FOCAD: variants seen among roughly 807,000 people sequenced by gnomAD.
FOCAD encodes focadhesin, also known as KIAA1797.
A neutral mutation model predicts 225.6 loss-of-function variants in FOCAD; 198 were observed. That is an observed-to-expected ratio of 0.88 (90% CI 0.78 to 0.99). FOCAD has a LOEUF of 0.99. FOCAD is among the 50% of genes least tolerant of loss of function. FOCAD has a pLI of 0.00. For synonymous variants in FOCAD, 897 were observed against 755.0 expected (o/e 1.19, Z -3.08); for missense variants, 2,713 against 2,123.6 (o/e 1.28, Z -5.46).
At chr9:20,955,256 A>C (rs1378758658) in intron 35 of FOCAD, among the ~76,000 whole-genome samples, 1 of 152,190 alleles carries the variant, frequency 6.6e-6, no homozygotes, top group Admixed American at 6.5e-5. Context: ...GGCCATCCCC[A>C]ATCCACATTT....
chr9:20,868,087 A>G (rs1829444169), intron 18 of FOCAD, among the ~76,000 whole-genome samples: 1 of 152,154 alleles, frequency 6.6e-6, no homozygotes, highest in African/African-American at 2.4e-5. Flanking sequence ...TTAGGTAAAG[A>G]TGTGTTATGA....
intron 15 of FOCAD, among the ~76,000 whole-genome samples, chr9:20,825,638 G>C (rs1052463320): frequency 2.6e-5 from 4 of 152,032 alleles, no homozygotes; most frequent in African/African-American, 7.2e-5. Flanking sequence ...GGATTTTGTA[G>C]GGCTTTCCCA....
intron 35 of FOCAD, among the ~76,000 whole-genome samples, chr9:20,956,577 T>C (rs571859338): frequency 6.6e-6 from 1 of 152,202 alleles, no homozygotes; most frequent in Non-Finnish European, 1.5e-5. Context: ...TGACTTTACA[T>C]GCAAATGGAC....
At chr9:20,888,139 CT>C (rs1377523100) in intron 21 of FOCAD, among the ~76,000 whole-genome samples, 398 of 45,602 alleles carry the variant, frequency 8.7e-3, no homozygotes, top group African/African-American at 0.028. Flanking sequence ...TTTTTTTCTT[CT>C]TTTTTTTTTT....
intron 10 of FOCAD, among the ~76,000 whole-genome samples, chr9:20,782,536 G>A (rs945252133): frequency 6.6e-6 from 1 of 152,130 alleles, no homozygotes; most frequent in Non-Finnish European, 1.5e-5. Context: ...TTACAATAAC[G>A]TGAAAGTGTT....
chr9:20,923,049 C>T lies in FOCAD; in HGVS notation c.2853-611C>T, dbSNP rs191620944. Among the ~76,000 whole-genome samples the T allele has an allele frequency of 2.0e-5, 3 of 152,074 alleles. No homozygotes were observed. The East Asian group carries it at 5.8e-4, about 29-fold the overall frequency. On this transcript the variant is annotated intron_variant, in intron 24 of 43. Transcript: ENST00000338382. ...TCAGTCCAAATAGTCTAAAAACAGC[C>T]CTTTTTCATTTGCATCTTATCTGGG...
chr9:20,758,933 C>A (rs566661838), intron 6 of FOCAD, among the ~76,000 whole-genome samples: 39 of 152,196 alleles, frequency 2.6e-4, no homozygotes, highest in African/African-American at 7.0e-4. Context: ...AGGATACAAA[C>A]TCAATGTACA....
intron 22 of FOCAD, among the ~76,000 whole-genome samples, chr9:20,912,381 A>G (rs1833508092): frequency 6.6e-6 from 1 of 152,118 alleles, no homozygotes; most frequent in African/African-American, 2.4e-5. Context: ...CTCAAGAAAT[A>G]GAAGTGTAAT....
intron 1 of FOCAD, among the ~76,000 whole-genome samples, chr9:20,711,287 TG>T (rs1337784159): frequency 6.6e-6 from 1 of 152,186 alleles, no homozygotes; most frequent in Non-Finnish European, 1.5e-5. Flanking sequence ...GGGACCATTT[TG>T]GAAACTGTTT....
rs987753541 is a variant in FOCAD at position 20,929,203 on chromosome 9, G to A, written c.3079-155G>A. The A allele has an allele frequency of 5.1e-6, 3 of 591,556 alleles. No homozygotes were observed. The African/African-American group carries it at 5.6e-5, about 11-fold the overall frequency. The allele number at this position is 591,556 out of a possible 1,614,324, so 36.6% of individuals were successfully genotyped here. ...ATTAATAATGAAAACATAATCTATA[G>A]ACAAAAACGTTTGGATTTTTAAAAA... is the stretch of plus-strand genomic sequence containing the variant. On this transcript the variant is annotated intron_variant, in intron 26 of 43. Transcript: ENST00000338382.
At chr9:20,820,117 A>C (rs536457571) in intron 12 of FOCAD, among the ~76,000 whole-genome samples, 2 of 152,042 alleles carry the variant, frequency 1.3e-5, no homozygotes, top group Admixed American at 6.6e-5. Flanking sequence ...CACTTTGGCT[A>C]TTCTCTGAGA....
intron 18 of FOCAD, among the ~76,000 whole-genome samples, chr9:20,870,935 G>C (rs1829707295): frequency 6.6e-6 from 1 of 152,146 alleles, no homozygotes. Context: ...GAGTGTGGTG[G>C]CTTACACCTG....
At chr9:20,768,080 G>A (rs1274501088) in intron 7 of FOCAD, among the ~76,000 whole-genome samples, 6 of 149,754 alleles carry the variant, frequency 4.0e-5, no homozygotes, top group Non-Finnish European at 8.9e-5. Context: ...TATTAAATAG[G>A]GAATCCTTTC....
At chr9:20,985,087 C>T (rs995433299) in intron 39 of FOCAD, among the ~76,000 whole-genome samples, 2 of 152,202 alleles carry the variant, frequency 1.3e-5, no homozygotes, top group African/African-American at 4.8e-5. Context: ...CAGGCCTGAG[C>T]CACCATGCCC....
intron 2 of FOCAD, among the ~76,000 whole-genome samples, chr9:20,716,713 A>C (rs762969874): frequency 6.6e-6 from 1 of 151,838 alleles, no homozygotes; most frequent in Non-Finnish European, 1.5e-5. Flanking sequence ...TCTTTGATTC[A>C]CACACGTTTT....
chr9:20,978,773 A>G (rs1840431836), intron 37 of FOCAD, among the ~76,000 whole-genome samples: 1 of 152,262 alleles, frequency 6.6e-6, no homozygotes. Flanking sequence ...ATTTGATTAT[A>G]TAGTATATGT....
At chr9:20,972,567 T>C (rs10964772) in intron 35 of FOCAD, among the ~76,000 whole-genome samples, 57,309 of 151,700 alleles carry the variant, frequency 0.38, 11,073 homozygotes, top group East Asian at 0.47. Flanking sequence ...TTTTTCAGTT[T>C]CTAGTTGTTC....
intron 2 of FOCAD, among the ~76,000 whole-genome samples, chr9:20,662,721 A>G (rs528461674): frequency 1.2e-3 from 178 of 152,130 alleles, no homozygotes; most frequent in Middle Eastern, 6.8e-3. Context: ...AAGTGCTAGG[A>G]TTACAGGCGT....
In FOCAD at chr9:20,981,503, T is replaced by C; in HGVS notation, c.4455T>C (p.Phe1485=). ...KHISDEQILG[F]VENLMVAVFK... ...TCTCTGATGAACAGATCCTGGGTTT[T>C]GTTGAAAATTTAATGGTGGCAGTTT... Residue 1485 remains phenylalanine (F), a synonymous_variant, in exon 38 of 44, where the codon TTT becomes TTC. Transcript: ENST00000338382. 6.2e-7 allele frequency: 1 copy of C among 1,614,166 alleles called. No individual in the cohort carries two copies.
Sources: gnomAD v4.1 joint callset for allele counts (sites outside exome capture counted in the v4.1 genomes callset) on GRCh38, gnomAD v4.1.1 for gene constraint, MANE v1.5 for transcripts, NCBI Gene and HGNC (gene_info 2026-07-23, HGNC 2026-07-21) for gene names.